PIAS2: variants seen among roughly 807,000 people sequenced by gnomAD.
PIAS2 encodes the protein E3 SUMO-protein ligase PIAS2.
Under a neutral mutation model 69.7 loss-of-function variants are expected in PIAS2, and 19 were observed. The observed-to-expected ratio is 0.27, with a 90% CI of 0.19 to 0.40. The LOEUF is 0.40. Ranked by LOEUF, PIAS2 falls within the 10% of genes least tolerant of loss-of-function variation. PIAS2 has a pLI of 1.00. For synonymous variants in PIAS2, 261 were observed against 263.2 expected (o/e 0.99, Z 0.08); for missense variants, 624 against 757.0 (o/e 0.82, Z 2.06).
chr18:46,832,892 C>CAAAAAAAAAAAAAAAAAAAAAAAAAAAAA (rs34958166), intron 9 of PIAS2, among the ~76,000 whole-genome samples: 4 of 105,974 alleles, frequency 3.8e-5, no homozygotes, highest in Non-Finnish European at 7.6e-5. Flanking sequence ...CCTCTGTCTC[C>CAAAAAAAAAAAAAAAAAAAAAAAAAAAAA]AAAAAAAAAA....
intron 1 of PIAS2, among the ~76,000 whole-genome samples, chr18:46,892,066 C>T (rs958747410): frequency 2.0e-5 from 3 of 152,014 alleles, no homozygotes; most frequent in Non-Finnish European, 4.4e-5. Flanking sequence ...CCATCCCATC[C>T]TCATCACTCC....
intron 1 of PIAS2, among the ~76,000 whole-genome samples, chr18:46,912,318 A>G (rs1473267810): frequency 1.3e-5 from 2 of 152,234 alleles, no homozygotes; most frequent in Non-Finnish European, 2.9e-5. Context: ...CCTCCTACGT[A>G]CTTTACATCA....
At chr18:46,860,425 C>A (rs2048481926) in intron 3 of PIAS2, among the ~76,000 whole-genome samples, 1 of 152,114 alleles carries the variant, frequency 6.6e-6, no homozygotes, top group Admixed American at 6.5e-5. Context: ...GAAACCAGGG[C>A]TCCCTGGAGA....
At chr18:46,901,430 C>T (rs1271360238) in intron 1 of PIAS2, among the ~76,000 whole-genome samples, 1 of 152,098 alleles carries the variant, frequency 6.6e-6, no homozygotes, top group African/African-American at 2.4e-5. Flanking sequence ...AAACTACAAA[C>T]CAATATTCGT....
chr18:46,829,184 C>T (rs1188710948), intron 10 of PIAS2, among the ~76,000 whole-genome samples: 1 of 152,148 alleles, frequency 6.6e-6, no homozygotes, highest in Admixed American at 6.5e-5. Flanking sequence ...TCCAAATGCC[C>T]TCAGTTTCCC....
intron 1 of PIAS2, among the ~76,000 whole-genome samples, chr18:46,908,677 A>C (rs2146266961): frequency 6.6e-6 from 1 of 152,344 alleles, no homozygotes; most frequent in East Asian, 1.9e-4. Context: ...AAGCCTGATA[A>C]ATGCAATCAC....
At chr18:46,813,271 C>T (rs1316492785) in intron 13 of PIAS2, among the ~76,000 whole-genome samples, 1 of 152,086 alleles carries the variant, frequency 6.6e-6, no homozygotes, top group Non-Finnish European at 1.5e-5. Flanking sequence ...AAGATCTAAC[C>T]TAATCTTCTC....
intron 11 of PIAS2, among the ~76,000 whole-genome samples, chr18:46,821,290 A>G (rs898334633): frequency 2.6e-5 from 4 of 152,176 alleles, no homozygotes; most frequent in Non-Finnish European, 5.9e-5. Context: ...CTGCGACATA[A>G]GAGCAAGTTG....
intron 11 of PIAS2, among the ~76,000 whole-genome samples, chr18:46,825,265 T>G (rs931471024): frequency 1.3e-5 from 2 of 152,154 alleles, no homozygotes; most frequent in African/African-American, 4.8e-5. Context: ...GATATAACTA[T>G]AGCATGAGCC....
rs2145991304 is a variant in PIAS2 at position 46,890,894 on chromosome 18, C to G, written c.185G>C (p.Arg62Thr). 2.5e-6 allele frequency: 4 copies of G among 1,614,176 alleles called. No homozygotes were observed. The highest frequency in any genetic ancestry group is 3.4e-6 in the Non-Finnish European group (4 of 1,180,038). Residue 62 changes from arginine (R) to threonine (T), a missense_variant, in exon 2 of 14, where the codon AGA (arginine) becomes ACA (threonine). This residue lies in a region of PIAS2 where 339 missense variants were observed against 408.8 expected (regional missense o/e 0.83). Transcript: ENST00000585916. ...AVQIKIRELY[R>T]RRYPRTLEGL... ...TTCAAGAGTTCGTGGATATCGGCGT[C>G]TATACAATTCTCGGATTTTAATCTG...
At chr18:46,866,129 A>T (rs976469413) in intron 2 of PIAS2, among the ~76,000 whole-genome samples, 1 of 152,262 alleles carries the variant, frequency 6.6e-6, no homozygotes, top group Non-Finnish European at 1.5e-5. Flanking sequence ...AAGAGAGTGC[A>T]AAATGAGACA....
At chr18:46,839,465 A>G (rs972883635) in intron 8 of PIAS2, among the ~76,000 whole-genome samples, 5 of 152,354 alleles carry the variant, frequency 3.3e-5, no homozygotes, top group African/African-American at 1.2e-4. Flanking sequence ...ATAATCTATA[A>G]GTACCTATTT....
chr18:46,838,467 CTCTA>C (rs1187320323), intron 8 of PIAS2, among the ~76,000 whole-genome samples: 6 of 152,160 alleles, frequency 3.9e-5, no homozygotes, highest in Non-Finnish European at 7.3e-5. Context: ...GCTATACTGC[CTCTA>C]TCTAAGTGTC....
At position 46,884,794 on chromosome 18, in the gene PIAS2, G is replaced by A. The variant is rs1420518231; in HGVS notation, c.499+5786C>T. On this transcript the variant is annotated intron_variant, in intron 2 of 13. Coordinates refer to ENST00000585916, the MANE Select transcript of PIAS2 (RefSeq NM_004671.5). ...TAGCCGGGCGTGGTGGCACATGCCT[G>A]TAATCCCAGCTACTCGGGAGGCTGA... is the stretch of plus-strand genomic sequence containing the variant. 2.6e-5 allele frequency among the ~76,000 whole-genome samples: 4 copies of A among 152,062 alleles called. No individual in the cohort carries two copies. The East Asian group carries it at 5.8e-4, about 22-fold the overall frequency.
chr18:46,892,321 C>A (rs2054188948), intron 1 of PIAS2, among the ~76,000 whole-genome samples: 1 of 152,160 alleles, frequency 6.6e-6, no homozygotes. Context: ...ACTGTCATAA[C>A]TGTACTTTGT....
At position 46,803,957 on chromosome 18, in the gene PIAS2, C is replaced by T. The variant is rs1313215539; in HGVS notation, c.*8476G>A. The T allele has an allele frequency of 6.6e-6, 1 of 152,186 alleles. No individual in the cohort carries two copies. Among genetic ancestry groups the T allele is most frequent in the Admixed American group, 6.5e-5 (1 of 15,272 alleles). 9.4% of individuals were successfully genotyped at this position (152,186 alleles called of 1,614,324 possible). A position where few individuals can be genotyped will look rare whatever the true frequency, so the allele number is the denominator to read the frequency against. ...TTCAGAAGGTGAGTATGCTGCCTTT[C>T]AACACCTCAGCATCCATCTCCCGTA... is the stretch of plus-strand genomic sequence containing the variant. On this transcript the variant is annotated 3_prime_UTR_variant, in exon 14 of 14. Transcript: ENST00000585916.
At chr18:46,880,376 C>A (rs1297390238) in intron 2 of PIAS2, among the ~76,000 whole-genome samples, 1 of 152,016 alleles carries the variant, frequency 6.6e-6, no homozygotes, top group African/African-American at 2.4e-5. Flanking sequence ...GACAGAGAGA[C>A]CCTGTCTCAA....
intron 8 of PIAS2, among the ~76,000 whole-genome samples, chr18:46,840,510 G>C (rs2045219120): frequency 6.6e-6 from 1 of 152,160 alleles, no homozygotes; most frequent in Non-Finnish European, 1.5e-5. Flanking sequence ...GATTGTTTTT[G>C]TCGTTTTCTT....
At chr18:46,821,458 G>A (rs1368752657) in intron 11 of PIAS2, among the ~76,000 whole-genome samples, 1 of 152,090 alleles carries the variant, frequency 6.6e-6, no homozygotes, top group Non-Finnish European at 1.5e-5. Context: ...GATCCCTAAG[G>A]TTTGATTTAA....
Sources: gnomAD v4.1 joint callset for allele counts (sites outside exome capture counted in the v4.1 genomes callset) on GRCh38, gnomAD v4.1.1 for gene constraint, gnomAD v4.1.1 regional missense constraint, MANE v1.5 for transcripts, NCBI Gene and HGNC (gene_info 2026-07-23, HGNC 2026-07-21) for gene names.